Variants in OSBPL1A observed in about 807,000 individuals in gnomAD.
OSBPL1A encodes the protein oxysterol-binding protein-related protein 1.
In OSBPL1A, 80 loss-of-function variants were observed where a neutral mutation model predicts 137.1. The observed-to-expected ratio is 0.58, with a 90% confidence interval of 0.49 to 0.70. The LOEUF (loss-of-function observed/expected upper bound fraction) is 0.70. Ranked by LOEUF, OSBPL1A falls within the 30% of genes least tolerant of loss-of-function variation. The probability of loss-of-function intolerance (pLI) is 0.00; values close to 1 mark genes in which losing one functional copy is unlikely to be tolerated. For synonymous variants in OSBPL1A, 365 were observed against 389.7 expected, an observed-to-expected ratio of 0.94 and a Z score of 0.75; for missense variants, 970 against 1,129.4, an observed-to-expected ratio of 0.86 and a Z score of 2.02.
At chr18:24,317,779 C>T (rs1412670390) in intron 9 of OSBPL1A, among the ~76,000 whole-genome samples, 1 of 152,034 alleles carries the variant, frequency 6.6e-6, no homozygotes, top group East Asian at 1.9e-4. Flanking sequence ...TATAAGCATA[C>T]AGATACATAA....
Position 24,198,967 on chromosome 18 carries a change from T to G in OSBPL1A, c.1602-2767A>C, listed in dbSNP as rs1315167437. Among the ~76,000 whole-genome samples, 5 of 151,676 alleles carry G rather than the reference T, an allele frequency of 3.3e-5. No individual in the cohort carries two copies. In the East Asian group the frequency reaches 9.7e-4, roughly 29 times the overall value. On this transcript the variant is annotated intron_variant, in intron 17 of 27. Transcript: ENST00000319481. ...CCACCTCCCGGGTTCAAACGATTCT[T>G]CTGCCTCAGCCTCCCGAGTAGCTGG... is the stretch of plus-strand genomic sequence containing the variant.
chr18:24,170,497 T>C lies in OSBPL1A; in HGVS notation c.2292-44A>G, dbSNP rs1184237593. 4 of 1,612,284 alleles carry C rather than the reference T, an allele frequency of 2.5e-6. No individual in the cohort carries two copies. In the African/African-American group the frequency reaches 4.0e-5, roughly 16 times the overall value. Reference sequence around the variant, plus strand: ...GTTTAGTTAACAAACCAGTGTTTGTTTTTTTAAAGCCGACAGCACCTGGTA... The same window carrying C: ...GTTTAGTTAACAAACCAGTGTTTGTCTTTTTAAAGCCGACAGCACCTGGTA... On this transcript the variant is annotated intron_variant, in intron 23 of 27. Transcript: ENST00000319481.
chr18:24,163,746 C>G (rs984833668), intron 27 of OSBPL1A, among the ~76,000 whole-genome samples: 1 of 138,368 alleles, frequency 7.2e-6, no homozygotes, highest in Non-Finnish European at 1.6e-5. Context: ...TTTTTTTTTT[C>G]TTTGAGAAGC....
chr18:24,333,430 A>G lies in OSBPL1A; in HGVS notation c.481-344T>C, dbSNP rs1599679583. Reference sequence around the variant, plus strand: ...AATTCATACTTGTGACAGCAGAATTACAAATCAGTCTGCCAGTCCTTCAGA... The same window carrying G: ...AATTCATACTTGTGACAGCAGAATTGCAAATCAGTCTGCCAGTCCTTCAGA... On this transcript the variant is annotated intron_variant, in intron 6 of 27. Coordinates refer to ENST00000319481, the MANE Select transcript of OSBPL1A (RefSeq NM_080597.4). Among the ~76,000 whole-genome samples, 7 of 152,252 alleles carry G rather than the reference A, an allele frequency of 4.6e-5. No homozygotes were observed. The South Asian group carries it at 1.4e-3, about 31-fold the overall frequency.
intron 15 of OSBPL1A, among the ~76,000 whole-genome samples, chr18:24,243,862 G>A (rs1261774492): frequency 1.3e-5 from 2 of 152,206 alleles, no homozygotes; most frequent in Non-Finnish European, 2.9e-5. Context: ...TGTAAGTGAT[G>A]TATATGAGAG....
chr18:24,173,760 A>G (rs2086356240), intron 21 of OSBPL1A, among the ~76,000 whole-genome samples: 1 of 152,224 alleles, frequency 6.6e-6, no homozygotes, highest in Non-Finnish European at 1.5e-5. Context: ...ATAAGGTAAA[A>G]TTCATTTTTG....
chr18:24,203,392 C>A (rs1464414449), intron 17 of OSBPL1A, among the ~76,000 whole-genome samples: 2 of 152,166 alleles, frequency 1.3e-5, no homozygotes, highest in Non-Finnish European at 2.9e-5. Context: ...TTCCACACCC[C>A]CTCTTCACAC....
At chr18:24,335,821 T>C (rs368862722) in intron 5 of OSBPL1A, among the ~76,000 whole-genome samples, 17 of 152,360 alleles carry the variant, frequency 1.1e-4, no homozygotes, top group South Asian at 8.3e-4. Context: ...AACACATGTA[T>C]TGAATCCAGC....
intron 16 of OSBPL1A, among the ~76,000 whole-genome samples, chr18:24,229,824 C>T (rs1424905889): frequency 1.3e-5 from 2 of 151,862 alleles, no homozygotes; most frequent in African/African-American, 2.4e-5. Flanking sequence ...GATCTCGGCT[C>T]ACTGCAACCT....
chr18:24,226,194 T>C (rs2088072089), intron 16 of OSBPL1A, among the ~76,000 whole-genome samples: 1 of 152,136 alleles, frequency 6.6e-6, no homozygotes, highest in Admixed American at 6.5e-5. Flanking sequence ...TTTTCAGGCA[T>C]TTCACATTCT....
At chr18:24,218,646 A>G (rs567999563) in intron 17 of OSBPL1A, among the ~76,000 whole-genome samples, 7 of 152,104 alleles carry the variant, frequency 4.6e-5, no homozygotes, top group Admixed American at 6.5e-5. Context: ...GGGTTTCACT[A>G]TGTTGGCCAG....
intron 15 of OSBPL1A, among the ~76,000 whole-genome samples, chr18:24,274,500 T>C (rs2146063604): frequency 6.6e-6 from 1 of 152,278 alleles, no homozygotes; most frequent in South Asian, 2.1e-4. Context: ...CAGGGAATTC[T>C]AGTTAAAAGA....
intron 5 of OSBPL1A, among the ~76,000 whole-genome samples, chr18:24,339,662 C>T (rs1356688369): frequency 6.6e-6 from 1 of 152,130 alleles, no homozygotes; most frequent in African/African-American, 2.4e-5. Context: ...AATGACAGGA[C>T]ATAATTAAAG....
intron 1 of OSBPL1A, 105 bp from the exon 2 acceptor site, chr18:24,377,640 A>G (rs954742755): frequency 2.1e-5 from 25 of 1,176,284 alleles, no homozygotes; most frequent in Middle Eastern, 2.8e-4. Flanking sequence ...TTTGCAGCTG[A>G]TAAGACAGAC....
At chr18:24,281,875 G>C (rs1195159427) in intron 14 of OSBPL1A, among the ~76,000 whole-genome samples, 1 of 152,164 alleles carries the variant, frequency 6.6e-6, no homozygotes. Context: ...CACAGCAAGA[G>C]GTGAGTGGAG....
chr18:24,250,174 G>GTTTTTTTTTTTTTTTTTT (rs1233264916), intron 15 of OSBPL1A, among the ~76,000 whole-genome samples: 1 of 75,352 alleles, frequency 1.3e-5, no homozygotes, highest in Non-Finnish European at 2.6e-5. Flanking sequence ...TTGTTTGTTT[G>GTTTTTTTTTTTTTTTTTT]TTTGTTTGTT....
intron 4 of OSBPL1A, among the ~76,000 whole-genome samples, chr18:24,342,729 A>G (rs752409805): frequency 1.3e-5 from 2 of 152,176 alleles, no homozygotes; most frequent in Non-Finnish European, 2.9e-5. Flanking sequence ...ACATTTTGGC[A>G]TATTTCTTAC....
chr18:24,318,674 G>C (rs372014686), intron 8 of OSBPL1A, 29 bp from the exon 9 acceptor site: 1 of 1,606,654 alleles, frequency 6.2e-7, no homozygotes, highest in Non-Finnish European at 8.5e-7. Context: ...CATGAAAAAT[G>C]CATCTACATA....
At chr18:24,198,197 C>T (rs994150271) in intron 17 of OSBPL1A, among the ~76,000 whole-genome samples, 17 of 152,156 alleles carry the variant, frequency 1.1e-4, no homozygotes, top group Non-Finnish European at 1.8e-4. Context: ...TCATTCACCC[C>T]CAACAAACGC....
Sources: gnomAD v4.1 joint callset for allele counts (sites outside exome capture counted in the v4.1 genomes callset) on GRCh38, gnomAD v4.1.1 for gene constraint, MANE v1.5 for transcripts, NCBI Gene and HGNC (gene_info 2026-07-23, HGNC 2026-07-21) for gene names.